Variants in CNTN1 observed in about 807,000 individuals in gnomAD.
CNTN1 encodes contactin-1.
A neutral mutation model predicts 126.4 loss-of-function variants in CNTN1; 38 were observed. The observed-to-expected ratio is 0.30, with a 90% confidence interval of 0.23 to 0.39. CNTN1 has a LOEUF of 0.39. Among genes scored for constraint, CNTN1 ranks in the 10% least tolerant of loss-of-function variants. CNTN1 has a pLI of 1.00. For synonymous variants in CNTN1, 413 were observed against 422.6 expected, an observed-to-expected ratio of 0.98 and a Z score of 0.28; for missense variants, 1,009 against 1,248.4, an observed-to-expected ratio of 0.81 and a Z score of 2.89.
chr12:40,802,973 G>T (rs1940711899), intron 1 of CNTN1, among the ~76,000 whole-genome samples: 1 of 151,926 alleles, frequency 6.6e-6, no homozygotes, highest in African/African-American at 2.4e-5. Context: ...GTAAAGCCAT[G>T]TTTCGAATCC....
At chr12:40,845,343 GAACA>G (rs2136597319) in intron 1 of CNTN1, among the ~76,000 whole-genome samples, 1 of 152,246 alleles carries the variant, frequency 6.6e-6, no homozygotes, top group South Asian at 2.1e-4. Flanking sequence ...GAAAAACTAA[GAACA>G]TAATATTGGC....
chr12:41,002,544 T>C (rs2120609687), intron 17 of CNTN1, among the ~76,000 whole-genome samples: 1 of 150,714 alleles, frequency 6.6e-6, no homozygotes, highest in East Asian at 1.9e-4. Flanking sequence ...GGGCTGAGAC[T>C]ATAGGGTTTC....
At chr12:40,720,003 ATTT>A (rs561694238) in intron 1 of CNTN1, among the ~76,000 whole-genome samples, 17 of 127,216 alleles carry the variant, frequency 1.3e-4, no homozygotes, top group South Asian at 5.1e-4. Flanking sequence ...CGCCCGGTTA[ATTT>A]TTTTTTTTTT....
At position 40,847,083 on chromosome 12, in the gene CNTN1, G is replaced by T. The variant is rs1200520843; in HGVS notation, c.-76-61274G>T. Among the ~76,000 whole-genome samples, 3 of 152,060 alleles carry T rather than the reference G, an allele frequency of 2.0e-5. No individual in the cohort carries two copies. The East Asian group carries it at 5.8e-4, about 29-fold the overall frequency. The stretch of plus-strand genomic sequence containing the variant: ...GGGTTTCCCTATATTGGCCAGGCTG[G>T]TCTCGAACTCCTGACTTCGTGATCC... On this transcript the variant is annotated intron_variant, in intron 1 of 23. Transcript: ENST00000551295.
intron 1 of CNTN1, among the ~76,000 whole-genome samples, chr12:40,836,749 T>C (rs1398786405): frequency 6.6e-6 from 1 of 152,226 alleles, no homozygotes; most frequent in Non-Finnish European, 1.5e-5. Flanking sequence ...AAACTTCAGA[T>C]GTTCAGACTA....
At chr12:40,872,211 T>TG (rs1491537010) in intron 1 of CNTN1, among the ~76,000 whole-genome samples, 1,108 of 56,400 alleles carry the variant, frequency 0.02, 22 homozygotes, top group African/African-American at 0.097. Context: ...CGTTGCTTTG[T>TG]TTGTGTGTGT....
At chr12:41,024,138 A>C (rs1948987279) in intron 20 of CNTN1, among the ~76,000 whole-genome samples, 1 of 152,174 alleles carries the variant, frequency 6.6e-6, no homozygotes, top group Non-Finnish European at 1.5e-5. Flanking sequence ...TGTGAAGTGA[A>C]TTTGAGCCAT....
At chr12:40,958,783 T>C (rs1946992785) in intron 14 of CNTN1, among the ~76,000 whole-genome samples, 1 of 152,080 alleles carries the variant, frequency 6.6e-6, no homozygotes, top group Admixed American at 6.6e-5. Flanking sequence ...TTAAAACTTA[T>C]TGATACTTAT....
chr12:40,813,159 C>T (rs564900378), intron 1 of CNTN1, among the ~76,000 whole-genome samples: 5 of 147,964 alleles, frequency 3.4e-5, no homozygotes, highest in Admixed American at 1.4e-4. Context: ...GCCTTCCCCT[C>T]CTTTCTTTTC....
chr12:41,023,463 T>C (rs1948970731), intron 20 of CNTN1, among the ~76,000 whole-genome samples: 1 of 152,238 alleles, frequency 6.6e-6, no homozygotes, highest in South Asian at 2.1e-4. Flanking sequence ...GTAGGTAAGC[T>C]AGAAGAATAC....
rs566021459 is a variant in CNTN1, at chr12:41,002,772, TG to T, written c.2113+9505del. On this transcript the variant is annotated intron_variant, in intron 17 of 23. Transcript: ENST00000551295. ...TGGGGTTTCACCATGTTAGCCAGTG[TG>T]GTCTCGATCTCCTGACCTCGTGATC... 3.5e-4 allele frequency among the ~76,000 whole-genome samples: 53 copies of T among 152,122 alleles called. No individual in the cohort carries two copies. In the East Asian group the frequency reaches 0.01, roughly 29 times the overall value.
chr12:40,739,774 T>G (rs187183126), intron 1 of CNTN1, among the ~76,000 whole-genome samples: 1 of 152,172 alleles, frequency 6.6e-6, no homozygotes, highest in East Asian at 1.9e-4. Context: ...TAAACATATT[T>G]TAAGGAAAAT....
intron 12 of CNTN1, among the ~76,000 whole-genome samples, chr12:40,943,284 A>T (rs957645825): frequency 6.6e-6 from 1 of 152,050 alleles, no homozygotes. Flanking sequence ...CTGAGGTTAC[A>T]TTTCTGGGAG....
chr12:40,735,170 C>A (rs1183903766), intron 1 of CNTN1, among the ~76,000 whole-genome samples: 1 of 152,028 alleles, frequency 6.6e-6, no homozygotes, highest in Non-Finnish European at 1.5e-5. Context: ...CCAAAACAGG[C>A]TTTCTCTCCC....
intron 1 of CNTN1, among the ~76,000 whole-genome samples, chr12:40,795,317 ACAT>A (rs1940384937): frequency 1.4e-4 from 1 of 7,168 alleles, no homozygotes. Flanking sequence ...ACACACACAC[ACAT>A]TTTTTTTTTT....
intron 17 of CNTN1, among the ~76,000 whole-genome samples, chr12:40,994,669 A>C (rs1948170936): frequency 2.6e-5 from 4 of 152,078 alleles, no homozygotes; most frequent in Admixed American, 2.6e-4. Flanking sequence ...GTCTCCTATA[A>C]AGCTTCATCT....
chr12:40,988,957 C>A (rs901414359), intron 16 of CNTN1, among the ~76,000 whole-genome samples: 3 of 152,186 alleles, frequency 2.0e-5, no homozygotes, highest in Admixed American at 1.3e-4. Context: ...AAGGTCTGCT[C>A]CTGATCCATC....
chr12:40,845,804 C>T (rs112368278), intron 1 of CNTN1, among the ~76,000 whole-genome samples: 1 of 152,224 alleles, frequency 6.6e-6, no homozygotes, highest in Non-Finnish European at 1.5e-5. Flanking sequence ...CTCCCCAACC[C>T]CCATAACTTG....
intron 5 of CNTN1, among the ~76,000 whole-genome samples, chr12:40,923,740 T>C (rs1176069799): frequency 1.3e-5 from 2 of 152,082 alleles, no homozygotes; most frequent in Non-Finnish European, 2.9e-5. Flanking sequence ...CTATTGAGGA[T>C]AGGGATGGCA....
Sources: gnomAD v4.1 joint callset for allele counts (sites outside exome capture counted in the v4.1 genomes callset) on GRCh38, gnomAD v4.1.1 for gene constraint, MANE v1.5 for transcripts, NCBI Gene and HGNC (gene_info 2026-07-23, HGNC 2026-07-21) for gene names.